Variants in SGSM1 observed in about 807,000 individuals in gnomAD.
The protein encoded by SGSM1 is small G protein signaling modulator 1.
SGSM1 carries 73 observed loss-of-function variants against 133.8 expected under a neutral mutation model. The observed-to-expected ratio is 0.55, with a 90% CI of 0.45 to 0.66. The LOEUF is 0.66. Among genes scored for constraint, SGSM1 ranks in the 30% least tolerant of loss-of-function variants. The pLI, the probability that SGSM1 is intolerant of heterozygous loss-of-function variation, is 0.00. For missense variants in SGSM1, 1,213 were observed against 1,448.1 expected, an observed-to-expected ratio of 0.84 and a Z score of 2.64; for synonymous variants, 563 against 573.0, an observed-to-expected ratio of 0.98 and a Z score of 0.25.
At chr22:24,845,034 C>G in intron 3 of SGSM1, 62 bp downstream of exon 3, 1 of 1,516,658 alleles carries the variant, frequency 6.6e-7, no homozygotes, top group Non-Finnish European at 9.1e-7. Context: ...GAAGTGGTGT[C>G]TTGGAGCCAC....
intron 24 of SGSM1, among the ~76,000 whole-genome samples, chr22:24,922,755 C>T (rs1438903873): frequency 1.3e-5 from 2 of 152,214 alleles, no homozygotes; most frequent in East Asian, 1.9e-4. Flanking sequence ...GGATTACAGG[C>T]GTGAGCCACC....
chr22:24,869,746 A>G (rs892688920), intron 12 of SGSM1, among the ~76,000 whole-genome samples: 4 of 152,220 alleles, frequency 2.6e-5, no homozygotes, highest in African/African-American at 9.6e-5. Context: ...GCAGAGCACC[A>G]GGCACTGGCA....
chr22:24,865,810 C>T (rs910640428), intron 9 of SGSM1, among the ~76,000 whole-genome samples: 10 of 152,116 alleles, frequency 6.6e-5, no homozygotes. Flanking sequence ...GAGTCTGAGA[C>T]ACAGCATGGC....
chr22:24,836,215 G>A (rs1016842551), intron 2 of SGSM1, among the ~76,000 whole-genome samples: 7 of 152,060 alleles, frequency 4.6e-5, no homozygotes, highest in African/African-American at 1.7e-4. Flanking sequence ...TTGTTATTTT[G>A]CGTCTAGATT....
chr22:24,826,710 C>A (rs1354559693), intron 2 of SGSM1, among the ~76,000 whole-genome samples: 1 of 152,080 alleles, frequency 6.6e-6, no homozygotes, highest in East Asian at 1.9e-4. Flanking sequence ...CTGTTTTAGA[C>A]AAGGTGATCA....
chr22:24,817,614 G>A (rs995576078), intron 2 of SGSM1, among the ~76,000 whole-genome samples: 3 of 152,152 alleles, frequency 2.0e-5, no homozygotes, highest in African/African-American at 7.2e-5. Flanking sequence ...GCCTCCCCAA[G>A]TGCTGGGATT....
intron 2 of SGSM1, chr22:24,843,390 A>G: frequency 6.5e-6 from 1 of 153,346 alleles, no homozygotes; most frequent in Non-Finnish European, 1.5e-5. Flanking sequence ...AGGCAGGGAG[A>G]GCAGGCAGGG....
At chr22:24,897,660 G>A (rs1203369913) in intron 18 of SGSM1, among the ~76,000 whole-genome samples, 1 of 152,164 alleles carries the variant, frequency 6.6e-6, no homozygotes, top group East Asian at 1.9e-4. Flanking sequence ...GCAGAGACCA[G>A]GTTTCACCGT....
intron 5 of SGSM1, among the ~76,000 whole-genome samples, chr22:24,851,357 G>A (rs915233040): frequency 6.7e-6 from 1 of 148,228 alleles, no homozygotes; most frequent in African/African-American, 2.5e-5. Flanking sequence ...GAGCAGTGAG[G>A]AGCCATGGAA....
intron 21 of SGSM1, among the ~76,000 whole-genome samples, chr22:24,910,240 G>A (rs867308953): frequency 6.6e-6 from 1 of 151,432 alleles, no homozygotes; most frequent in African/African-American, 2.5e-5. Flanking sequence ...TTTGGGGTTG[G>A]GGGGGTAAAG....
At position 24,901,919 on chromosome 22, in the gene SGSM1, G is replaced by T; in HGVS notation, c.2697G>T (p.Thr899=). Reference sequence around the variant, plus strand: ...GCGACCGCAACTACTGGTACTTCACGCCCGCCAACTTGGAGAAGCTGCGTA... The same window carrying T: ...GCGACCGCAACTACTGGTACTTCACTCCCGCCAACTTGGAGAAGCTGCGTA... ...QRCDRNYWYF[T]PANLEKLRNI... The change falls in exon 20 of 25, where the codon ACG becomes ACT. Residue 899 remains threonine (T), a synonymous_variant. Transcript: ENST00000400358. The T allele has an allele frequency of 7.2e-7, 1 of 1,381,162 alleles. No homozygotes were observed. Among genetic ancestry groups the T allele is most frequent in the African/African-American group, 1.5e-5 (1 of 65,520 alleles). 85.6% of individuals were successfully genotyped at this position (1,381,162 alleles called of 1,614,324 possible). A position where few individuals can be genotyped will look rare whatever the true frequency, so the allele number is the denominator to read the frequency against.
chr22:24,918,818 G>T (rs1173494643), intron 23 of SGSM1, among the ~76,000 whole-genome samples: 1 of 151,480 alleles, frequency 6.6e-6, no homozygotes, highest in Non-Finnish European at 1.5e-5. Context: ...TGCAACCTCC[G>T]CCTCCCAGGT....
At chr22:24,851,775 T>C (rs1930498667) in intron 5 of SGSM1, among the ~76,000 whole-genome samples, 1 of 152,176 alleles carries the variant, frequency 6.6e-6, no homozygotes, top group Non-Finnish European at 1.5e-5. Context: ...AAGCTTCCAT[T>C]TGAAGAGCAT....
intron 2 of SGSM1, among the ~76,000 whole-genome samples, chr22:24,838,837 T>C (rs936719353): frequency 3.3e-5 from 5 of 152,114 alleles, no homozygotes; most frequent in African/African-American, 4.8e-5. Context: ...TTGTTGAAGA[T>C]TTTTCAAGAA....
intron 3 of SGSM1, among the ~76,000 whole-genome samples, chr22:24,845,795 C>T (rs1930061423): frequency 6.6e-6 from 1 of 152,038 alleles, no homozygotes; most frequent in Non-Finnish European, 1.5e-5. Context: ...TTCACCCTCT[C>T]TTCAGCCAGG....
intron 9 of SGSM1, among the ~76,000 whole-genome samples, chr22:24,866,014 G>T (rs973516170): frequency 1.3e-5 from 2 of 152,118 alleles, no homozygotes; most frequent in Admixed American, 6.5e-5. Context: ...AAGTTAATCC[G>T]CTCTGCTCCC....
At chr22:24,874,376 A>G in intron 12 of SGSM1, 1 of 1,575,140 alleles carries the variant, frequency 6.3e-7, no homozygotes, top group Non-Finnish European at 8.6e-7. Context: ...CCACCGCAGA[A>G]CCCCCACCTC....
At chr22:24,890,202 C>A (rs986891836) in intron 16 of SGSM1, among the ~76,000 whole-genome samples, 1 of 152,062 alleles carries the variant, frequency 6.6e-6, no homozygotes, top group Non-Finnish European at 1.5e-5. Context: ...GTGATCCGCC[C>A]GCCTTGGCCT....
intron 9 of SGSM1, among the ~76,000 whole-genome samples, chr22:24,863,844 C>T (rs1056876597): frequency 8.0e-5 from 12 of 150,542 alleles, no homozygotes; most frequent in South Asian, 2.1e-4. Flanking sequence ...CAGGTTCAAG[C>T]GATTTTCCTG....
Sources: allele counts gnomAD v4.1 joint callset (sites outside exome capture counted in the v4.1 genomes callset), GRCh38; gene constraint gnomAD v4.1.1; transcripts MANE v1.5; gene names NCBI Gene and HGNC (gene_info 2026-07-23, HGNC 2026-07-21).